Variants in USP7 observed in about 807,000 individuals in gnomAD.
The protein encoded by USP7 is ubiquitin specific peptidase 7.
In USP7, 9 loss-of-function variants were observed where a neutral mutation model predicts 162.9. The observed-to-expected ratio is 0.06, with a 90% CI of 0.03 to 0.10. The LOEUF (loss-of-function observed/expected upper bound fraction) is 0.10. USP7 is among the 10% of genes least tolerant of loss of function. USP7 has a pLI of 1.00. For missense variants in USP7, 715 were observed against 1,373.7 expected, an observed-to-expected ratio of 0.52 and a Z score of 7.58; for synonymous variants, 562 against 475.9, an observed-to-expected ratio of 1.18 and a Z score of -2.35.
At chr16:8,943,511 A>G (rs1431092642) in intron 1 of USP7, among the ~76,000 whole-genome samples, 1 of 152,096 alleles carries the variant, frequency 6.6e-6, no homozygotes. Context: ...AAGGATCAAC[A>G]CCGAGAATGC....
At chr16:8,943,028 G>A (rs527494684) in intron 1 of USP7, among the ~76,000 whole-genome samples, 2 of 152,186 alleles carry the variant, frequency 1.3e-5, no homozygotes, top group African/African-American at 4.8e-5. Context: ...AGTGGAGCCT[G>A]AGTGTTCAAA....
intron 1 of USP7, among the ~76,000 whole-genome samples, chr16:8,935,367 G>A (rs1353103342): frequency 1.3e-5 from 2 of 152,188 alleles, no homozygotes. Flanking sequence ...CTGCCATCAT[G>A]CCCAGCTAAT....
At chr16:8,932,752 G>T (rs1347602653) in intron 1 of USP7, among the ~76,000 whole-genome samples, 1 of 152,184 alleles carries the variant, frequency 6.6e-6, no homozygotes, top group Admixed American at 6.5e-5. Context: ...ACTGGCCCTA[G>T]AAAGTGGAGG....
At chr16:8,922,265 G>C (rs1411847534) in intron 3 of USP7, among the ~76,000 whole-genome samples, 1 of 152,258 alleles carries the variant, frequency 6.6e-6, no homozygotes, top group Non-Finnish European at 1.5e-5. Context: ...GAGACAGGCA[G>C]ATCACCTGAG....
Position 8,900,597 on chromosome 16 carries a change from C to A in USP7, c.2242G>T (p.Asp748Tyr). Residue 748 changes from aspartate (D) to tyrosine (Y), a missense_variant, in exon 21 of 31, where the codon GAC (aspartate) becomes TAC (tyrosine). By Grantham distance (160) the Asp-to-Tyr change is radical (BLOSUM62 -3). Around this residue, in one of 11 missense-constraint regions of USP7, gnomAD observed 222 missense variants for 441.7 expected, o/e 0.50. Transcript: ENST00000344836. ...GCTTTATCAAGAGACACGTCATAGT[C>A]CTGAATTCTCTCTGTTAAATTCGGT... ...VKPNLTERIQDYDVSLDKALD... is the reference protein window; with the variant it reads ...VKPNLTERIQYYDVSLDKALD... 1 of 1,611,222 alleles carries A rather than the reference C, an allele frequency of 6.2e-7. No individual in the cohort carries two copies. The highest frequency in any genetic ancestry group is 1.1e-5 in the South Asian group (1 of 90,212).
intron 20 of USP7, 164 bp downstream of exon 20, chr16:8,900,826 A>G: frequency 1.2e-6 from 1 of 815,478 alleles, no homozygotes. Context: ...AACAGGTAAA[A>G]AAAAAAAATT....
chr16:8,905,941 C>T (rs1596361150), intron 13 of USP7, among the ~76,000 whole-genome samples: 1 of 152,166 alleles, frequency 6.6e-6, no homozygotes, highest in African/African-American at 2.4e-5. Flanking sequence ...GGCAGGAGCT[C>T]GGTGCTGGCC....
chr16:8,957,074 C>T (rs767501240), intron 1 of USP7, among the ~76,000 whole-genome samples: 1 of 152,214 alleles, frequency 6.6e-6, no homozygotes, highest in Admixed American at 6.5e-5. Context: ...TTTCCCCATA[C>T]AAGAAACGTA....
At chr16:8,904,644 T>C (rs2061829883) in intron 14 of USP7, 79 bp from the exon 15 acceptor site, 12 of 1,559,912 alleles carry the variant, frequency 7.7e-6, no homozygotes, top group South Asian at 1.2e-5. Flanking sequence ...AGGTCATCAT[T>C]AATAAAATAA....
At chr16:8,930,259 G>A (rs531620378) in intron 2 of USP7, 34 bp downstream of exon 2, 72 of 1,540,768 alleles carry the variant, frequency 4.7e-5, no homozygotes, top group South Asian at 1.9e-4. Flanking sequence ...ACAAGTTTCC[G>A]CCCACTGCGA....
intron 11 of USP7, among the ~76,000 whole-genome samples, chr16:8,908,884 A>AG (rs2061900309): frequency 2.6e-5 from 4 of 152,256 alleles, no homozygotes; most frequent in Non-Finnish European, 5.9e-5. Flanking sequence ...AAATGCCCAA[A>AG]CAGAACAAGC....
At chr16:8,919,583 G>A (rs922904279) in intron 5 of USP7, among the ~76,000 whole-genome samples, 1 of 152,082 alleles carries the variant, frequency 6.6e-6, no homozygotes, top group Non-Finnish European at 1.5e-5. Flanking sequence ...TTTCACCTCA[G>A]ACTTCTAAAC....
At chr16:8,909,464 C>G (rs891514673) in intron 11 of USP7, among the ~76,000 whole-genome samples, 4 of 152,172 alleles carry the variant, frequency 2.6e-5, no homozygotes, top group African/African-American at 4.8e-5. Context: ...GGGGAAGGAC[C>G]TGTTTTTAAT....
chr16:8,936,765 A>G lies in USP7; in HGVS notation c.80-6368T>C. ...ACAGAAGCCTTGTCTTTAGGACCAG[A>G]AACATTCAAGCAACCTCAATTTAGA... is the stretch of plus-strand genomic sequence containing the variant. On this transcript the variant is annotated intron_variant, in intron 1 of 30. Transcript: ENST00000344836. 3 of 1,319,996 alleles carry G rather than the reference A, an allele frequency of 2.3e-6. No individual in the cohort carries two copies. In the South Asian group the frequency reaches 5.4e-5, roughly 24 times the overall value. 81.8% of individuals were successfully genotyped at this position (1,319,996 alleles called of 1,614,324 possible).
intron 18 of USP7, among the ~76,000 whole-genome samples, chr16:8,901,634 A>T (rs1263860771): frequency 6.6e-6 from 1 of 152,236 alleles, no homozygotes; most frequent in Non-Finnish European, 1.5e-5. Flanking sequence ...TTTTATAGCA[A>T]GGGTCAGCAA....
At chr16:8,925,094 G>A (rs1897916909) in intron 2 of USP7, among the ~76,000 whole-genome samples, 1 of 152,314 alleles carries the variant, frequency 6.6e-6, no homozygotes, top group South Asian at 2.1e-4. Flanking sequence ...CAGCTGATCA[G>A]GAGTTAAGTT....
intron 1 of USP7, chr16:8,936,605 C>T (rs1195168383): frequency 6.4e-7 from 1 of 1,557,212 alleles, no homozygotes; most frequent in South Asian, 1.2e-5. Context: ...GCCTGTGGTT[C>T]CCAGCCATCT....
At chr16:8,901,104 C>A in intron 19 of USP7, 38 bp downstream of exon 19, 1 of 1,612,314 alleles carries the variant, frequency 6.2e-7, no homozygotes, top group African/African-American at 1.3e-5. Context: ...ATGTACTGAG[C>A]AAAATCTACT....
intron 1 of USP7, among the ~76,000 whole-genome samples, chr16:8,936,166 G>A (rs1255460242): frequency 6.6e-6 from 1 of 152,124 alleles, no homozygotes; most frequent in Non-Finnish European, 1.5e-5. Context: ...TGAGCCACAG[G>A]TGTCTCCACT....
Sources: gnomAD v4.1 joint callset for allele counts (sites outside exome capture counted in the v4.1 genomes callset) on GRCh38, gnomAD v4.1.1 for gene constraint, gnomAD v4.1.1 regional missense constraint, MANE v1.5 for transcripts, NCBI Gene and HGNC (gene_info 2026-07-23, HGNC 2026-07-21) for gene names.